LRRTM3: variants seen among roughly 807,000 people sequenced by gnomAD.
LRRTM3 encodes leucine rich repeat transmembrane neuronal 3, also known as leucine-rich repeat transmembrane neuronal protein 3.
Under a neutral mutation model 44.7 loss-of-function variants are expected in LRRTM3, and 24 were observed. That is an observed-to-expected ratio of 0.54 (90% CI 0.39 to 0.76). LRRTM3 has a LOEUF of 0.76. Ranked by LOEUF, LRRTM3 falls within the 30% of genes least tolerant of loss-of-function variation. The pLI is 0.00. For missense variants in LRRTM3, 587 were observed against 702.2 expected (o/e 0.84, Z 1.85); for synonymous variants, 277 against 278.7 (o/e 0.99, Z 0.06).
chr10:67,024,057 G>A (rs567089313), intron 2 of LRRTM3, among the ~76,000 whole-genome samples: 86 of 152,224 alleles, frequency 5.6e-4, no homozygotes, highest in Middle Eastern at 6.8e-3. Context: ...ATTATCTTCC[G>A]GAGGACAGAA....
intron 2 of LRRTM3, among the ~76,000 whole-genome samples, chr10:67,027,975 C>T (rs1346556663): frequency 6.6e-6 from 1 of 152,128 alleles, no homozygotes; most frequent in Non-Finnish European, 1.5e-5. Context: ...ACTTGACCCT[C>T]ATAACAACCC....
At chr10:67,029,735 C>T (rs926293889) in intron 2 of LRRTM3, among the ~76,000 whole-genome samples, 6 of 152,308 alleles carry the variant, frequency 3.9e-5, no homozygotes, top group East Asian at 1.9e-4. Context: ...ACTTTTAACT[C>T]TGTGATTCTA....
Position 66,927,712 on chromosome 10 carries a change from G to C in LRRTM3, c.796G>C (p.Glu266Gln). ...GCTTGATTTATCAGGCAATGAGATC[G>C]AAGCTTTCAGTGGACCCAGTGTTTT... ...QRLDLSGNEI[E>Q]AFSGPSVFQC... Residue 266 changes from glutamate to glutamine, a missense_variant, in exon 2 of 3, where the codon GAA (glutamate) becomes CAA (glutamine). Around this residue, in one of 3 missense-constraint regions of LRRTM3, gnomAD observed 222 missense variants for 323.3 expected, o/e 0.69. Coordinates refer to ENST00000361320, the MANE Select transcript of LRRTM3 (RefSeq NM_178011.5). This position sits in a 1 kb window ranked among gnomAD's most constrained non-coding sequence, Gnocchi z 4.7. 6.2e-7 allele frequency: 1 copy of C among 1,614,146 alleles called. No homozygotes were observed. The highest frequency in any genetic ancestry group is 8.5e-7 in the Non-Finnish European group (1 of 1,180,040).
chr10:66,986,513 A>C (rs545948135), intron 2 of LRRTM3, among the ~76,000 whole-genome samples: 32 of 129,348 alleles, frequency 2.5e-4, no homozygotes, highest in African/African-American at 8.1e-4. Flanking sequence ...CTAAACTAAA[A>C]TAAAATAAAG....
intron 2 of LRRTM3, among the ~76,000 whole-genome samples, chr10:67,000,810 C>G (rs1851641186): frequency 6.6e-6 from 1 of 151,952 alleles, no homozygotes; most frequent in Non-Finnish European, 1.5e-5. Context: ...AGAAGAATGC[C>G]AGTGCAATTC....
intron 2 of LRRTM3, among the ~76,000 whole-genome samples, chr10:66,986,301 A>G (rs1376738990): frequency 6.6e-6 from 1 of 152,110 alleles, no homozygotes; most frequent in Non-Finnish European, 1.5e-5. Flanking sequence ...AGTTCCAGAC[A>G]GCCTGGGCAA....
intron 2 of LRRTM3, among the ~76,000 whole-genome samples, chr10:66,996,657 A>AAAAAAAAC: frequency 6.7e-6 from 1 of 150,328 alleles, no homozygotes; most frequent in African/African-American, 2.4e-5. Flanking sequence ...TACAAAAAAA[A>AAAAAAAAC]AAAAAAAAAA....
At chr10:67,013,691 G>A (rs1449081399) in intron 2 of LRRTM3, among the ~76,000 whole-genome samples, 1 of 152,122 alleles carries the variant, frequency 6.6e-6, no homozygotes, top group Non-Finnish European at 1.5e-5. Flanking sequence ...TTTGAAGGAA[G>A]GTAATAGGCA....
At chr10:67,045,486 T>C (rs769635580) in intron 2 of LRRTM3, among the ~76,000 whole-genome samples, 2 of 152,214 alleles carry the variant, frequency 1.3e-5, no homozygotes, top group African/African-American at 4.8e-5. Flanking sequence ...TGACTTTCAA[T>C]AGATCGCGGC....
chr10:67,009,503 CAT>C (rs1373938805), intron 2 of LRRTM3, among the ~76,000 whole-genome samples: 1 of 151,842 alleles, frequency 6.6e-6, no homozygotes. Context: ...CTTTGATTCT[CAT>C]AGATATTTTT....
At chr10:67,096,079 G>A (rs1457925227) in intron 2 of LRRTM3, among the ~76,000 whole-genome samples, 1 of 151,708 alleles carries the variant, frequency 6.6e-6, no homozygotes, top group African/African-American at 2.4e-5. Context: ...AATAGGAAGA[G>A]TTACTCTGGA....
chr10:67,086,820 C>T (rs567099401), intron 2 of LRRTM3, among the ~76,000 whole-genome samples: 2 of 152,014 alleles, frequency 1.3e-5, no homozygotes, highest in African/African-American at 4.8e-5. Flanking sequence ...TGTTTGTTTG[C>T]TTTATAATTT....
intron 2 of LRRTM3, among the ~76,000 whole-genome samples, chr10:67,023,247 A>G (rs981045691): frequency 6.6e-6 from 1 of 152,204 alleles, no homozygotes; most frequent in Non-Finnish European, 1.5e-5. Flanking sequence ...TAGGTAATCT[A>G]CAGTGAATAG....
intron 2 of LRRTM3, among the ~76,000 whole-genome samples, chr10:67,075,241 A>T (rs1300095434): frequency 6.6e-6 from 1 of 152,166 alleles, no homozygotes; most frequent in East Asian, 1.9e-4. Context: ...AAAGAAAAAT[A>T]TAATGGTCAG....
chr10:66,952,069 G>A (rs1203926183), intron 2 of LRRTM3, among the ~76,000 whole-genome samples: 1 of 152,156 alleles, frequency 6.6e-6, no homozygotes, highest in African/African-American at 2.4e-5. Context: ...TGGGAAACAA[G>A]TCAATATTTT....
chr10:66,984,403 T>C (rs1468632625), intron 2 of LRRTM3, among the ~76,000 whole-genome samples: 1 of 152,160 alleles, frequency 6.6e-6, no homozygotes, highest in African/African-American at 2.4e-5. Flanking sequence ...AGTTAATTTT[T>C]TCTTGCATAG....
chr10:66,926,879 T>C (rs1847110070), intron 1 of LRRTM3, 42 bp from the exon 2 acceptor site: 9 of 1,509,310 alleles, frequency 6.0e-6, no homozygotes, highest in African/African-American at 1.4e-5. Flanking sequence ...GGATTAATTC[T>C]TTTTTGGGGG....
intron 2 of LRRTM3, among the ~76,000 whole-genome samples, chr10:67,016,162 A>G (rs1190796577): frequency 6.6e-6 from 1 of 152,056 alleles, no homozygotes; most frequent in African/African-American, 2.4e-5. Context: ...AGTTTTATGC[A>G]TGAGTTTATC....
chr10:67,018,363 G>A (rs1192977686), intron 2 of LRRTM3, among the ~76,000 whole-genome samples: 1 of 152,074 alleles, frequency 6.6e-6, no homozygotes, highest in East Asian at 1.9e-4. Flanking sequence ...ACTTTTTAAA[G>A]GCAACACCCC....
Sources: allele counts gnomAD v4.1 joint callset (sites outside exome capture counted in the v4.1 genomes callset), GRCh38; gene constraint gnomAD v4.1.1; regional missense constraint gnomAD v4.1.1; non-coding constraint Gnocchi (gnomAD v3.1); transcripts MANE v1.5; gene names NCBI Gene and HGNC (gene_info 2026-07-23, HGNC 2026-07-21).